The following MAML3 variants were observed in gnomAD, a reference collection of about 807,000 sequenced individuals.
MAML3 encodes the protein mastermind like transcriptional coactivator 3.
A neutral mutation model predicts 101.9 loss-of-function variants in MAML3; 27 were observed. The observed-to-expected ratio is 0.27, with a 90% CI of 0.20 to 0.37. MAML3 has a LOEUF of 0.37. MAML3 is among the 10% of genes least tolerant of loss of function. The pLI is 1.00. For missense variants in MAML3, 1,316 were observed against 1,444.9 expected (o/e 0.91, Z 1.45); for synonymous variants, 501 against 555.9 (o/e 0.90, Z 1.39).
chr4:139,911,087 T>G (rs1191627709), intron 1 of MAML3, among the ~76,000 whole-genome samples: 1 of 152,214 alleles, frequency 6.6e-6, no homozygotes, highest in East Asian at 1.9e-4. Context: ...CACTCTACTT[T>G]CTGTCTCTAT....
At chr4:139,982,145 T>C (rs1734455474) in intron 1 of MAML3, among the ~76,000 whole-genome samples, 1 of 152,258 alleles carries the variant, frequency 6.6e-6, no homozygotes, top group African/African-American at 2.4e-5. Context: ...ATTTGTCTTC[T>C]TCCACATTGA....
intron 1 of MAML3, among the ~76,000 whole-genome samples, chr4:140,100,019 A>G (rs1347017827): frequency 6.6e-6 from 1 of 151,614 alleles, no homozygotes; most frequent in Non-Finnish European, 1.5e-5. Flanking sequence ...TTCAGCCTCA[A>G]CTCCCCCATG....
chr4:140,070,143 T>TAAAA (rs1458656578), intron 1 of MAML3, among the ~76,000 whole-genome samples: 3 of 151,596 alleles, frequency 2.0e-5, no homozygotes, highest in African/African-American at 7.3e-5. Flanking sequence ...AATAAATAAA[T>TAAAA]AAAAATCTAA....
At chr4:140,090,819 C>T (rs762717930) in intron 1 of MAML3, among the ~76,000 whole-genome samples, 3 of 152,112 alleles carry the variant, frequency 2.0e-5, no homozygotes, top group Non-Finnish European at 2.9e-5. Flanking sequence ...GGGAGGCTGA[C>T]GCTGGCAGAT....
At chr4:140,045,758 T>C (rs901736850) in intron 1 of MAML3, among the ~76,000 whole-genome samples, 2 of 152,186 alleles carry the variant, frequency 1.3e-5, no homozygotes, top group African/African-American at 4.8e-5. Flanking sequence ...GGGGCAGCCC[T>C]TGGAAAGGGG....
intron 1 of MAML3, among the ~76,000 whole-genome samples, chr4:140,073,223 C>T (rs1397664632): frequency 1.3e-5 from 2 of 151,962 alleles, no homozygotes; most frequent in Admixed American, 6.6e-5. Context: ...CTGCAACCTC[C>T]ACCTCCTGGG....
intron 2 of MAML3, among the ~76,000 whole-genome samples, chr4:139,799,207 A>AT (rs889700620): frequency 2.6e-5 from 4 of 152,190 alleles, no homozygotes; most frequent in South Asian, 2.1e-4. Flanking sequence ...GAGTACTGCC[A>AT]TTTTTTTGTG....
chr4:139,840,219 T>A (rs1198719272), intron 2 of MAML3, among the ~76,000 whole-genome samples: 2 of 152,164 alleles, frequency 1.3e-5, no homozygotes, highest in Non-Finnish European at 2.9e-5. Flanking sequence ...AGCTACGTAC[T>A]GGGCATACAG....
chr4:139,931,108 G>A (rs1020455836), intron 1 of MAML3, among the ~76,000 whole-genome samples: 6 of 152,152 alleles, frequency 3.9e-5, no homozygotes, highest in Admixed American at 2.6e-4. Flanking sequence ...CAGCAGGACT[G>A]ACTGTACAAT....
At chr4:139,818,855 C>T (rs1730930859) in intron 2 of MAML3, among the ~76,000 whole-genome samples, 1 of 152,136 alleles carries the variant, frequency 6.6e-6, no homozygotes, top group Non-Finnish European at 1.5e-5. Context: ...AATATTCTGT[C>T]CCAAGGTCAT....
intron 1 of MAML3, among the ~76,000 whole-genome samples, chr4:139,937,697 T>C (rs1207251238): frequency 6.6e-6 from 1 of 152,072 alleles, no homozygotes; most frequent in African/African-American, 2.4e-5. Flanking sequence ...CAGCAAAGGG[T>C]ATTTATTACT....
In MAML3 at chr4:139,889,365, G is replaced by A. The variant is rs1732412766; in HGVS notation, c.2071C>T (p.His691Tyr). The change falls in exon 2 of 5, where the codon CAC becomes TAC. Residue 691 changes from histidine (H) to tyrosine (Y), a missense_variant. By Grantham distance (83) the His-to-Tyr change is moderately conservative (BLOSUM62 2). Coordinates refer to ENST00000509479, the MANE Select transcript of MAML3 (RefSeq NM_018717.5). Reference protein sequence around the residue: ...QPMAYAALPSHGQEQHPVGLP... With the variant: ...QPMAYAALPSYGQEQHPVGLP... ...GTCACTTTCACACTTACCTGACCGTGGGATGGAAGTGCAGCGTAAGCCATG... is the reference window on the plus strand; with the variant it reads ...GTCACTTTCACACTTACCTGACCGTAGGATGGAAGTGCAGCGTAAGCCATG... 1 of 1,613,900 alleles carries A rather than the reference G, an allele frequency of 6.2e-7. No homozygotes were observed. The highest frequency in any genetic ancestry group is 1.7e-5 in the Admixed American group (1 of 60,012).
At chr4:140,026,677 A>G (rs1726830478) in intron 1 of MAML3, among the ~76,000 whole-genome samples, 1 of 152,234 alleles carries the variant, frequency 6.6e-6, no homozygotes, top group African/African-American at 2.4e-5. Flanking sequence ...AAAGACAGCC[A>G]CTGATACATT....
intron 1 of MAML3, among the ~76,000 whole-genome samples, chr4:139,969,868 G>A (rs1481810100): frequency 6.6e-6 from 1 of 152,122 alleles, no homozygotes; most frequent in Admixed American, 6.5e-5. Context: ...GTGTTTCCAA[G>A]GTGAAGCACC....
chr4:139,899,576 A>G (rs1176887497), intron 1 of MAML3, among the ~76,000 whole-genome samples: 1 of 152,152 alleles, frequency 6.6e-6, no homozygotes, highest in Non-Finnish European at 1.5e-5. Flanking sequence ...TCTATGCCAA[A>G]AAGTGACCAC....
At chr4:139,905,826 A>G (rs1481761656) in intron 1 of MAML3, among the ~76,000 whole-genome samples, 1 of 152,078 alleles carries the variant, frequency 6.6e-6, no homozygotes, top group Non-Finnish European at 1.5e-5. Context: ...AGTCATCTTC[A>G]GTTAGGGCCT....
intron 2 of MAML3, among the ~76,000 whole-genome samples, chr4:139,826,717 C>G (rs1731066582): frequency 6.6e-6 from 1 of 152,150 alleles, no homozygotes; most frequent in Non-Finnish European, 1.5e-5. Context: ...AGAACTCCAT[C>G]ATTTAGGCTG....
intron 1 of MAML3, among the ~76,000 whole-genome samples, chr4:140,123,092 G>GTT (rs58567442): frequency 0.055 from 7,629 of 138,072 alleles, 282 homozygotes; most frequent in East Asian, 0.13. Flanking sequence ...AAGCTCTGCG[G>GTT]TTTTTTTTTT....
At chr4:139,737,056 C>T (rs1728973724) in intron 2 of MAML3, among the ~76,000 whole-genome samples, 1 of 152,128 alleles carries the variant, frequency 6.6e-6, no homozygotes, top group African/African-American at 2.4e-5. Context: ...TGCAACTGTG[C>T]TGTGGAGGCT....
Sources: allele counts gnomAD v4.1 joint callset (sites outside exome capture counted in the v4.1 genomes callset), GRCh38; gene constraint gnomAD v4.1.1; transcripts MANE v1.5; gene names NCBI Gene and HGNC (gene_info 2026-07-23, HGNC 2026-07-21).